RIMS2: variants seen among roughly 807,000 people sequenced by gnomAD.
RIMS2 encodes regulating synaptic membrane exocytosis protein 2.
RIMS2 carries 59 observed loss-of-function variants against 174.4 expected under a neutral mutation model. The ratio of observed to expected loss-of-function variants is 0.34; its 90% CI spans 0.27 to 0.42. RIMS2 has a LOEUF of 0.42. Ranked by LOEUF, RIMS2 falls within the 10% of genes least tolerant of loss-of-function variation. The pLI is 1.00. For missense variants in RIMS2, 1,620 were observed against 1,666.3 expected, an observed-to-expected ratio of 0.97 and a Z score of 0.48; for synonymous variants, 606 against 572.5, an observed-to-expected ratio of 1.06 and a Z score of -0.84.
chr8:104,070,267 T>C lies in RIMS2; in HGVS notation c.3334+55652T>C, dbSNP rs942440585. ...TCCCCAGATTACATTATTACCAACATGGTGCATACAAAATTATTTATCACA... is the reference window on the plus strand; with the variant it reads ...TCCCCAGATTACATTATTACCAACACGGTGCATACAAAATTATTTATCACA... On this transcript the variant is annotated intron_variant, in intron 19 of 23. Coordinates refer to ENST00000504942, the Ensembl canonical transcript of RIMS2. Among the ~76,000 whole-genome samples, 7 of 152,186 alleles carry C rather than the reference T, an allele frequency of 4.6e-5. 1 individual carries two copies. Among genetic ancestry groups the C allele is most frequent in the Non-Finnish European group, 1.0e-4 (7 of 68,022 alleles).
chr8:103,651,857 G>A (rs567324620), intron 1 of RIMS2, among the ~76,000 whole-genome samples: 137 of 151,904 alleles, frequency 9.0e-4, no homozygotes, highest in African/African-American at 3.2e-3. Flanking sequence ...TTAAAAAAAG[G>A]AAATCTATTT....
chr8:103,656,954 C>G (rs2096538965), intron 1 of RIMS2, among the ~76,000 whole-genome samples: 1 of 152,112 alleles, frequency 6.6e-6, no homozygotes, highest in African/African-American at 2.4e-5. Flanking sequence ...GAAAAGTCCC[C>G]TCATGCCTCC....
chr8:104,226,014 C>T (rs1022590080), intron 19 of RIMS2, among the ~76,000 whole-genome samples: 10 of 152,196 alleles, frequency 6.6e-5, no homozygotes, highest in African/African-American at 2.2e-4. Flanking sequence ...TGGCCTAAAG[C>T]AGTGCTTCTC....
chr8:103,865,290 T>TC (rs1358688909), intron 3 of RIMS2, among the ~76,000 whole-genome samples: 4 of 145,362 alleles, frequency 2.8e-5, no homozygotes, highest in African/African-American at 1.0e-4. Flanking sequence ...TTTTCTTTTT[T>TC]TTTTTTTTTT....
chr8:103,949,291 A>G (rs1311373713), intron 14 of RIMS2, among the ~76,000 whole-genome samples: 1 of 152,210 alleles, frequency 6.6e-6, no homozygotes, highest in Non-Finnish European at 1.5e-5. Flanking sequence ...TAGAACAAAT[A>G]GAAGGCTTGA....
chr8:103,865,639 G>A (rs12546553), intron 3 of RIMS2, among the ~76,000 whole-genome samples: 18,898 of 151,972 alleles, frequency 0.12, 1,273 homozygotes, highest in Middle Eastern at 0.23. Flanking sequence ...ATAACTTAAT[G>A]TATTTAAATA....
chr8:104,115,680 C>G (rs1429868653), intron 19 of RIMS2, among the ~76,000 whole-genome samples: 1 of 152,040 alleles, frequency 6.6e-6, no homozygotes, highest in Non-Finnish European at 1.5e-5. Flanking sequence ...CTGGGGAACT[C>G]AAACTTAAAG....
At chr8:103,783,401 C>G (rs1217623532) in intron 3 of RIMS2, among the ~76,000 whole-genome samples, 2 of 150,918 alleles carry the variant, frequency 1.3e-5, no homozygotes, top group African/African-American at 4.9e-5. Context: ...GGTATATCTC[C>G]CAATGCTATC....
intron 4 of RIMS2, among the ~76,000 whole-genome samples, chr8:103,894,281 T>A (rs1012128462): frequency 2.6e-5 from 4 of 151,690 alleles, no homozygotes; most frequent in Admixed American, 2.6e-4. Context: ...TAGCAAGATC[T>A]CTGTCCCTGC....
intron 3 of RIMS2, among the ~76,000 whole-genome samples, chr8:103,785,207 A>G (rs1232115806): frequency 6.8e-6 from 1 of 147,058 alleles, no homozygotes; most frequent in African/African-American, 2.5e-5. Flanking sequence ...CAATCATGTC[A>G]TCTGCAAACA....
intron 2 of RIMS2, among the ~76,000 whole-genome samples, chr8:103,765,850 T>G (rs965749831): frequency 2.6e-5 from 4 of 152,186 alleles, no homozygotes; most frequent in Non-Finnish European, 4.4e-5. Flanking sequence ...CAGTTCCTTG[T>G]TGAAAGTTGC....
At chr8:103,510,660 T>C (rs1383923302) in intron 1 of RIMS2, among the ~76,000 whole-genome samples, 1 of 152,162 alleles carries the variant, frequency 6.6e-6, no homozygotes, top group Non-Finnish European at 1.5e-5. Flanking sequence ...TTTGAATCTT[T>C]ATTGCGATGC....
chr8:103,585,781 G>A lies in RIMS2; in HGVS notation c.176+84719G>A, dbSNP rs571517222. On this transcript the variant is annotated intron_variant, in intron 1 of 23. Transcript: ENST00000504942. ...ATTAAGATAAATACCTAATGCATGCGGGGCTTAAAAACTGGATGACAGGCT... is the reference window on the plus strand; with the variant it reads ...ATTAAGATAAATACCTAATGCATGCAGGGCTTAAAAACTGGATGACAGGCT... Among the ~76,000 whole-genome samples, 16 of 151,844 alleles carry A rather than the reference G, an allele frequency of 1.1e-4. No individual in the cohort carries two copies. In the South Asian group the frequency reaches 1.5e-3, roughly 14 times the overall value.
chr8:104,090,751 G>A lies in RIMS2; in HGVS notation c.3334+76136G>A, dbSNP rs146841192. Among the ~76,000 whole-genome samples the A allele has an allele frequency of 2.5e-3, 377 of 151,876 alleles. 1 individual carries two copies. The highest frequency in any genetic ancestry group is 8.7e-3 in the African/African-American group (362 of 41,506). On this transcript the variant is annotated intron_variant, in intron 19 of 23. Coordinates refer to ENST00000504942, the Ensembl canonical transcript of RIMS2. ...AAGGTGAAGCCTGAGGACATACTAG[G>A]AGTCAGTGGTAAAGTTGGGTTTAAT...
chr8:103,623,477 A>ATTTT (rs2095687172), intron 1 of RIMS2, among the ~76,000 whole-genome samples: 1 of 80,662 alleles, frequency 1.2e-5, no homozygotes, highest in African/African-American at 5.3e-5. Flanking sequence ...GGGTTTCTTC[A>ATTTT]GTTTTTTTTT....
chr8:104,135,256 T>C (rs1443156085), intron 19 of RIMS2, among the ~76,000 whole-genome samples: 3 of 152,068 alleles, frequency 2.0e-5, no homozygotes, highest in Admixed American at 2.0e-4. Flanking sequence ...AGGCCAATGA[T>C]AGTGAACTAT....
chr8:103,611,264 T>TTA (rs1408708402), intron 1 of RIMS2, among the ~76,000 whole-genome samples: 4 of 152,202 alleles, frequency 2.6e-5, no homozygotes, highest in Admixed American at 2.6e-4. Context: ...TTATGTCTTA[T>TTA]TATACTATGT....
chr8:103,502,100 T>C, intron 1 of RIMS2, among the ~76,000 whole-genome samples: 1 of 152,250 alleles, frequency 6.6e-6, no homozygotes, highest in East Asian at 1.9e-4. Context: ...GCTTTTTTCT[T>C]TTTACTTGAA....
chr8:103,755,068 G>T (rs1023392454), intron 2 of RIMS2, among the ~76,000 whole-genome samples: 1 of 152,074 alleles, frequency 6.6e-6, no homozygotes, highest in African/African-American at 2.4e-5. Context: ...GGCTGGTACC[G>T]GTTGTTCCTT....
Sources: allele counts gnomAD v4.1 joint callset (sites outside exome capture counted in the v4.1 genomes callset), GRCh38; gene constraint gnomAD v4.1.1; transcripts MANE v1.5; gene names NCBI Gene and HGNC (gene_info 2026-07-23, HGNC 2026-07-21).